The following BNC2 variants were observed in gnomAD, a reference collection of about 807,000 sequenced individuals.
BNC2 encodes zinc finger protein basonuclin-2.
Under a neutral mutation model 76.3 loss-of-function variants are expected in BNC2, and 20 were observed. The observed-to-expected ratio is 0.26, with a 90% CI of 0.18 to 0.38. The LOEUF (loss-of-function observed/expected upper bound fraction) is 0.38. Ranked by LOEUF, BNC2 falls within the 10% of genes least tolerant of loss-of-function variation. The pLI is 1.00. For synonymous variants in BNC2, 582 were observed against 514.8 expected, an observed-to-expected ratio of 1.13 and a Z score of -1.77; for missense variants, 1,382 against 1,399.8, an observed-to-expected ratio of 0.99 and a Z score of 0.20.
chr9:16,775,326 T>C (rs1825935431), intron 1 of BNC2, among the ~76,000 whole-genome samples: 1 of 151,556 alleles, frequency 6.6e-6, no homozygotes, highest in African/African-American at 2.4e-5. Context: ...AAGAGCAATA[T>C]ACAGAAGTAG....
At chr9:16,590,646 A>T (rs1011940459) in intron 3 of BNC2, among the ~76,000 whole-genome samples, 9 of 152,094 alleles carry the variant, frequency 5.9e-5, no homozygotes, top group African/African-American at 2.2e-4. Flanking sequence ...GTCTCTATAA[A>T]AATATGAAAA....
At chr9:16,782,984 G>A (rs753165439) in intron 1 of BNC2, among the ~76,000 whole-genome samples, 7 of 152,064 alleles carry the variant, frequency 4.6e-5, no homozygotes, top group South Asian at 2.1e-4. Context: ...TGAAAACATC[G>A]GAGTGTAATC....
chr9:16,745,593 A>G (rs1824977079), intron 1 of BNC2, among the ~76,000 whole-genome samples: 1 of 152,204 alleles, frequency 6.6e-6, no homozygotes, highest in Admixed American at 6.5e-5. Context: ...TAAGTTCATG[A>G]TGCCTGGCCT....
At chr9:16,860,354 T>C (rs558936945) in intron 1 of BNC2, among the ~76,000 whole-genome samples, 1 of 152,192 alleles carries the variant, frequency 6.6e-6, no homozygotes, top group Admixed American at 6.6e-5. Flanking sequence ...ATCAATGGAA[T>C]AGAACAGAAA....
intron 1 of BNC2, among the ~76,000 whole-genome samples, chr9:16,745,678 A>T (rs1488336668): frequency 6.6e-6 from 1 of 152,222 alleles, no homozygotes; most frequent in African/African-American, 2.4e-5. Context: ...AGTATCAAGT[A>T]CCAAAATGTT....
intron 1 of BNC2, among the ~76,000 whole-genome samples, chr9:16,782,069 G>A (rs1031958779): frequency 1.3e-5 from 2 of 151,900 alleles, no homozygotes; most frequent in Non-Finnish European, 2.9e-5. Context: ...GGCGGATCAC[G>A]AGCTCAGGAT....
At chr9:16,833,231 A>G (rs181439397) in intron 1 of BNC2, among the ~76,000 whole-genome samples, 16 of 152,316 alleles carry the variant, frequency 1.1e-4, no homozygotes, top group Admixed American at 1.0e-3. Flanking sequence ...ACGATGAATA[A>G]GATCTTCTCT....
At chr9:16,426,624 C>G (rs1820808707) in intron 6 of BNC2, among the ~76,000 whole-genome samples, 1 of 152,084 alleles carries the variant, frequency 6.6e-6, no homozygotes, top group Admixed American at 6.5e-5. Context: ...GACACCTGAA[C>G]AAAAAGAGTG....
chr9:16,486,464 T>C (rs546590597), intron 5 of BNC2, among the ~76,000 whole-genome samples: 1 of 152,332 alleles, frequency 6.6e-6, no homozygotes, highest in South Asian at 2.1e-4. Flanking sequence ...CCCAAATAAA[T>C]GCGCACACCT....
intron 1 of BNC2, among the ~76,000 whole-genome samples, chr9:16,773,276 G>C (rs1825876618): frequency 6.6e-6 from 1 of 152,108 alleles, no homozygotes; most frequent in Admixed American, 6.6e-5. Flanking sequence ...GTCATATGAA[G>C]GCTTATGACT....
intron 1 of BNC2, among the ~76,000 whole-genome samples, chr9:16,778,206 C>T (rs1826022396): frequency 6.6e-6 from 1 of 152,180 alleles, no homozygotes; most frequent in Non-Finnish European, 1.5e-5. Context: ...ACTACAATTA[C>T]TCTCATAATG....
intron 6 of BNC2, among the ~76,000 whole-genome samples, chr9:16,428,779 T>TA (rs1820849820): frequency 6.6e-6 from 1 of 151,970 alleles, no homozygotes; most frequent in Non-Finnish European, 1.5e-5. Flanking sequence ...ATAAACTCTA[T>TA]AAAGTACTAG....
chr9:16,456,029 G>C (rs937295269), intron 5 of BNC2, among the ~76,000 whole-genome samples: 4 of 148,968 alleles, frequency 2.7e-5, no homozygotes, highest in Admixed American at 6.7e-5. Context: ...GGATCAACAG[G>C]TAGCTGATTT....
At position 16,555,573 on chromosome 9, in the gene BNC2, T is replaced by C. The variant is rs77567435; in HGVS notation, c.434-2808A>G. ...GCACTTTGGGAGGCGAGACGGCAGA[T>C]TGCCTAAGCCAAGAGTTCAAGACCG... On this transcript the variant is annotated intron_variant, in intron 4 of 6. Transcript: ENST00000380672. Among the ~76,000 whole-genome samples the C allele has an allele frequency of 5.2e-3, 792 of 151,422 alleles. 32 individuals are homozygous for C. The East Asian group carries it at 0.11, about 21-fold the overall frequency.
chr9:16,656,875 A>C (rs1821945879), intron 3 of BNC2, among the ~76,000 whole-genome samples: 1 of 152,212 alleles, frequency 6.6e-6, no homozygotes. Context: ...GGGGATGCAG[A>C]ATAATGAATG....
chr9:16,520,557 T>A lies in BNC2; in HGVS notation c.669+31973A>T, dbSNP rs149707065. ...TTCCTGTGTTTAGACAATGATAGCA[T>A]AGATAGCAAGAGTTGGAGAGCAAGA... On this transcript the variant is annotated intron_variant, in intron 5 of 6. Coordinates refer to ENST00000380672, the MANE Select transcript of BNC2 (RefSeq NM_017637.6). 5.0e-3 allele frequency among the ~76,000 whole-genome samples: 758 copies of A among 152,270 alleles called. 2 individuals are homozygous for A. Among genetic ancestry groups the A allele is most frequent in the Middle Eastern group, 0.037 (11 of 294 alleles).
intron 1 of BNC2, among the ~76,000 whole-genome samples, chr9:16,791,114 T>C (rs1414415582): frequency 1.3e-5 from 2 of 151,896 alleles, no homozygotes; most frequent in South Asian, 4.1e-4. Context: ...CAGGCTAGAG[T>C]GCAGTGGCAT....
intron 1 of BNC2, among the ~76,000 whole-genome samples, chr9:16,747,440 GAGC>G (rs1173799877): frequency 6.6e-6 from 1 of 152,178 alleles, no homozygotes; most frequent in East Asian, 1.9e-4. Context: ...TATATTTATT[GAGC>G]ACCTGTTGTG....
At position 16,419,318 on chromosome 9, in the gene BNC2, C is replaced by T. The variant is rs753276488; in HGVS notation, c.2971G>A (p.Asp991Asn). The T allele has an allele frequency of 1.1e-5, 18 of 1,613,314 alleles. No homozygotes were observed. Among genetic ancestry groups the T allele is most frequent in the Middle Eastern group, 1.6e-4 (1 of 6,084 alleles). ...DAGSDEGILLDDIDGASDSGE... is the reference protein window; with the variant it reads ...DAGSDEGILLNDIDGASDSGE... ...CTGTCACTCGCCCCGTCAATGTCATCGAGAAGAATCCCCTCATCGCTGCCT... is the reference window on the plus strand; with the variant it reads ...CTGTCACTCGCCCCGTCAATGTCATTGAGAAGAATCCCCTCATCGCTGCCT... The change falls in exon 7 of 7, where the codon GAT becomes AAT. Residue 991 changes from aspartate to asparagine, a missense_variant. By Grantham distance (23) the Asp-to-Asn change is conservative (BLOSUM62 1). Transcript: ENST00000380672.
Sources: gnomAD v4.1 joint callset for allele counts (sites outside exome capture counted in the v4.1 genomes callset) on GRCh38, gnomAD v4.1.1 for gene constraint, MANE v1.5 for transcripts, NCBI Gene and HGNC (gene_info 2026-07-23, HGNC 2026-07-21) for gene names.